The following PANK1 variants were observed in gnomAD, a reference collection of about 807,000 sequenced individuals.
PANK1 encodes the protein pantothenic acid kinase 1.
Under a neutral mutation model 40.1 loss-of-function variants are expected in PANK1, and 18 were observed. The observed-to-expected ratio is 0.45, with a 90% CI of 0.31 to 0.67. The LOEUF is 0.67. Among genes scored for constraint, PANK1 ranks in the 30% least tolerant of loss-of-function variants. PANK1 has a pLI of 0.06. For missense variants in PANK1, 457 were observed against 599.6 expected, an observed-to-expected ratio of 0.76 and a Z score of 2.48; for synonymous variants, 242 against 237.7, an observed-to-expected ratio of 1.02 and a Z score of -0.17.
At chr10:89,580,715 C>G (rs1156378890), downstream of PANK1, 1 of 152,240 alleles carries the variant, frequency 6.6e-6, no homozygotes, top group Non-Finnish European at 1.5e-5. Flanking sequence ...TCTTATAGGA[C>G]CTGGCTCAAG....
intron 3 of PANK1, among the ~76,000 whole-genome samples, chr10:89,597,903 C>T (rs1844659170): frequency 6.6e-6 from 1 of 152,194 alleles, no homozygotes; most frequent in Non-Finnish European, 1.5e-5. Flanking sequence ...AGCAAGCAAA[C>T]TTCTATATTC....
chr10:89,596,318 C>A (rs897720502), intron 3 of PANK1, among the ~76,000 whole-genome samples: 2 of 152,174 alleles, frequency 1.3e-5, no homozygotes, highest in African/African-American at 4.8e-5. Flanking sequence ...AGGCATTCAA[C>A]AACCCACTCC....
intron 1 of PANK1, among the ~76,000 whole-genome samples, chr10:89,640,588 T>C (rs1177424801): frequency 6.6e-6 from 1 of 152,216 alleles, no homozygotes; most frequent in Non-Finnish European, 1.5e-5. Flanking sequence ...AGATGAATAC[T>C]GGCTTACCTA....
chr10:89,588,843 TG>T, intron 5 of PANK1, 66 bp from the exon 6 acceptor site: 4 of 1,171,094 alleles, frequency 3.4e-6, no homozygotes, highest in Non-Finnish European at 4.8e-6. Context: ...AAAGACCCAA[TG>T]TTCTGTATGT....
chr10:89,624,007 A>C (rs1160062242), intron 1 of PANK1, among the ~76,000 whole-genome samples: 8 of 152,228 alleles, frequency 5.3e-5, no homozygotes, highest in Admixed American at 4.6e-4. Context: ...TACTGTCACA[A>C]CCTTGTGTGA....
At chr10:89,636,262 C>G (rs1337706143) in intron 1 of PANK1, among the ~76,000 whole-genome samples, 1 of 152,188 alleles carries the variant, frequency 6.6e-6, no homozygotes, top group Non-Finnish European at 1.5e-5. Context: ...CCTGGGCCAT[C>G]AGGCTGTCTA....
At chr10:89,595,736 C>T (rs1294548483) in intron 3 of PANK1, among the ~76,000 whole-genome samples, 1 of 145,852 alleles carries the variant, frequency 6.9e-6, no homozygotes, top group African/African-American at 2.5e-5. Flanking sequence ...GCGGGGATTA[C>T]TTGTACCCTG....
intron 3 of PANK1, among the ~76,000 whole-genome samples, chr10:89,594,883 C>A (rs1427038094): frequency 6.6e-6 from 1 of 152,174 alleles, no homozygotes; most frequent in East Asian, 1.9e-4. Flanking sequence ...GAACTCCCAG[C>A]AGGAAAAGGA....
At chr10:89,587,764 T>G (rs1029215158) in intron 6 of PANK1, among the ~76,000 whole-genome samples, 1 of 152,198 alleles carries the variant, frequency 6.6e-6, no homozygotes, top group Non-Finnish European at 1.5e-5. Flanking sequence ...CATTAATGAT[T>G]ACTCATTTTA....
intron 5 of PANK1, chr10:89,592,626 GTT>G: frequency 2.1e-6 from 1 of 465,856 alleles, no homozygotes; most frequent in Non-Finnish European, 4.4e-6. Flanking sequence ...TTCAGAAAAG[GTT>G]CAATTTTTTC....
At chr10:89,593,067 T>C in intron 5 of PANK1, 130 bp downstream of exon 5, 1 of 897,072 alleles carries the variant, frequency 1.1e-6, no homozygotes, top group Non-Finnish European at 1.8e-6. Flanking sequence ...TCCTGTTCTG[T>C]AAAGTGTGAC....
chr10:89,621,724 C>G (rs11185810), intron 1 of PANK1, among the ~76,000 whole-genome samples: 1 of 150,640 alleles, frequency 6.6e-6, no homozygotes, highest in Admixed American at 6.6e-5. Context: ...TTTATTTTTA[C>G]TTTTAGGGGG....
chr10:89,614,168 C>T (rs528423735), intron 1 of PANK1, among the ~76,000 whole-genome samples: 1 of 152,290 alleles, frequency 6.6e-6, no homozygotes, highest in East Asian at 1.9e-4. Context: ...GCTGCAGTTG[C>T]CATCCATTCT....
chr10:89,608,316 C>T (rs1845040305), intron 2 of PANK1, among the ~76,000 whole-genome samples: 2 of 151,908 alleles, frequency 1.3e-5, no homozygotes, highest in African/African-American at 4.8e-5. Flanking sequence ...CAGGCGTGAG[C>T]CACCGCGTCT....
intron 1 of PANK1, among the ~76,000 whole-genome samples, chr10:89,628,417 C>T (rs72818731): frequency 0.14 from 16,840 of 124,404 alleles, 1,427 homozygotes; most frequent in East Asian, 0.45. Context: ...TAAGTAAAGC[C>T]GCCAATCAGA....
intron 2 of PANK1, among the ~76,000 whole-genome samples, chr10:89,609,630 G>A (rs774486755): frequency 1.3e-5 from 2 of 152,218 alleles, no homozygotes; most frequent in Non-Finnish European, 2.9e-5. Flanking sequence ...CTGAGACTCA[G>A]CCTGGATACA....
chr10:89,604,842 C>T (rs1339723157), intron 2 of PANK1, among the ~76,000 whole-genome samples: 3 of 151,876 alleles, frequency 2.0e-5, no homozygotes, highest in Non-Finnish European at 2.9e-5. Context: ...GCTCCGTCTC[C>T]CAGGTTCATG....
chr10:89,632,862 T>C (rs1361077675), intron 1 of PANK1, among the ~76,000 whole-genome samples: 1 of 152,196 alleles, frequency 6.6e-6, no homozygotes, highest in African/African-American at 2.4e-5. Flanking sequence ...CCTGAAGTAT[T>C]TGTAGAATAC....
At chr10:89,630,653 C>T (rs1401746105) in intron 1 of PANK1, among the ~76,000 whole-genome samples, 1 of 151,978 alleles carries the variant, frequency 6.6e-6, no homozygotes, top group Non-Finnish European at 1.5e-5. Flanking sequence ...TCACCTCGCC[C>T]GGCTAATTTT....
Sources: gnomAD v4.1 joint callset for allele counts (sites outside exome capture counted in the v4.1 genomes callset) on GRCh38, gnomAD v4.1.1 for gene constraint, MANE v1.5 for transcripts, NCBI Gene and HGNC (gene_info 2026-07-23, HGNC 2026-07-21) for gene names.